Variants in NPHP1 observed in about 807,000 individuals in gnomAD.
The protein encoded by NPHP1 is nephrocystin-1.
A neutral mutation model predicts 90.4 loss-of-function variants in NPHP1; 70 were observed. The ratio of observed to expected loss-of-function variants is 0.77; its 90% confidence interval spans 0.64 to 0.95. NPHP1 has a LOEUF of 0.95. Among genes scored for constraint, NPHP1 ranks in the 40% least tolerant of loss-of-function variants. The pLI is 0.00. For synonymous variants in NPHP1, 256 were observed against 271.7 expected (o/e 0.94, Z 0.57); for missense variants, 764 against 795.9 (o/e 0.96, Z 0.48).
intron 11 of NPHP1, among the ~76,000 whole-genome samples, chr2:110,158,128 C>T (rs947891995): frequency 2.2e-4 from 33 of 152,122 alleles, no homozygotes; most frequent in African/African-American, 7.5e-4. Context: ...CTTCCTGTTA[C>T]TGATTTCAAA....
intron 19 of NPHP1, 57 bp downstream of exon 19, chr2:110,125,580 G>T: frequency 6.9e-7 from 1 of 1,455,900 alleles, no homozygotes; most frequent in Non-Finnish European, 9.7e-7. Context: ...ATTAGAATAG[G>T]CAAGCAAACA....
chr2:110,146,738 A>G lies in NPHP1; in HGVS notation c.1352+15T>C. The G allele has an allele frequency of 6.3e-7, 1 of 1,580,114 alleles. No homozygotes were observed. Among genetic ancestry groups the G allele is most frequent in the Non-Finnish European group, 8.7e-7 (1 of 1,148,928 alleles). ...ACAGAAGTATTCATTCGTTAGGAAT[A>G]TATAGCCAACTTACTTTGCTGGAAT... On this transcript the variant is annotated intron_variant, in intron 14 of 19. Coordinates refer to ENST00000445609, the MANE Select transcript of NPHP1 (RefSeq NM_001128178.3).
chr2:110,192,376 C>A (rs1684819761), intron 2 of NPHP1, among the ~76,000 whole-genome samples: 1 of 152,096 alleles, frequency 6.6e-6, no homozygotes, highest in African/African-American at 2.4e-5. Context: ...GCTTCAGTAG[C>A]TGATTCGATC....
rs2271242 is a variant in NPHP1, at chr2:110,129,561, T to G, written c.1643-302A>C. Among the ~76,000 whole-genome samples, 9,769 of 152,268 alleles carry G rather than the reference T, an allele frequency of 0.064. 410 individuals are homozygous for G. The highest frequency in any genetic ancestry group is 0.12 in the African/African-American group (5,033 of 41,546). The stretch of plus-strand genomic sequence containing the variant: ...TGTGTTTTTCTTCAACTTCTCTTTC[T>G]TCCTTATGGCTGTGGCATGGTAAAA... On this transcript the variant is annotated intron_variant, in intron 17 of 19. Coordinates refer to ENST00000445609, the MANE Select transcript of NPHP1 (RefSeq NM_001128178.3).
At chr2:110,134,125 T>C (rs1679990452) in intron 16 of NPHP1, among the ~76,000 whole-genome samples, 1 of 151,996 alleles carries the variant, frequency 6.6e-6, no homozygotes, top group Non-Finnish European at 1.5e-5. Flanking sequence ...TGAGAATGAC[T>C]AAGGAACACT....
At chr2:110,153,203 CTCTA>C (rs1381873130) in intron 11 of NPHP1, among the ~76,000 whole-genome samples, 1 of 152,038 alleles carries the variant, frequency 6.6e-6, no homozygotes, top group Non-Finnish European at 1.5e-5. Flanking sequence ...ACTCAGAATT[CTCTA>C]TCTAATTAAA....
At chr2:110,178,337 A>C (rs764390829) in intron 4 of NPHP1, 86 bp downstream of exon 4, 1 of 1,262,694 alleles carries the variant, frequency 7.9e-7, no homozygotes, top group Non-Finnish European at 1.2e-6. Context: ...TTATATCTAT[A>C]CTGCTATATG....
chr2:110,130,917 A>G (rs1023763590), intron 17 of NPHP1, among the ~76,000 whole-genome samples: 4 of 152,146 alleles, frequency 2.6e-5, no homozygotes, highest in Non-Finnish European at 5.9e-5. Context: ...AAAAGGGTGG[A>G]GAGGATTATT....
At chr2:110,162,429 T>G (rs1415053531) in intron 9 of NPHP1, among the ~76,000 whole-genome samples, 1 of 152,084 alleles carries the variant, frequency 6.6e-6, no homozygotes, top group Non-Finnish European at 1.5e-5. Flanking sequence ...TAGGGAGTAC[T>G]GGGAAGAACC....
intron 2 of NPHP1, among the ~76,000 whole-genome samples, chr2:110,186,307 C>A (rs1324817124): frequency 1.3e-5 from 2 of 152,288 alleles, no homozygotes; most frequent in East Asian, 3.9e-4. Flanking sequence ...TGTTGGAGAG[C>A]CAGTGTCCTT....
At position 110,168,525 on chromosome 2, in the gene NPHP1, T is replaced by G. The variant is rs1261446783; in HGVS notation, c.551A>C (p.Lys184Thr). 1 of 1,613,076 alleles carries G rather than the reference T, an allele frequency of 6.2e-7. No homozygotes were observed. Among genetic ancestry groups the G allele is most frequent in the Non-Finnish European group, 8.5e-7 (1 of 1,179,142 alleles). The change falls in exon 6 of 20, where the codon AAA becomes ACA. Residue 184 changes from lysine to threonine, a missense_variant. Lys to Thr is a moderately conservative substitution (Grantham distance 78). Transcript: ENST00000445609. ...AGCTATCCACCAACCATCAGGTTTT[T>G]TTTCAATTACAAGGAGAATTTCCCC... ...KKGEILLVIE[K>T]KPDGWWIAKD...
At chr2:110,133,882 C>A in intron 16 of NPHP1, among the ~76,000 whole-genome samples, 1 of 151,560 alleles carries the variant, frequency 6.6e-6, no homozygotes. Context: ...GAAAACAGTC[C>A]TAAGAGGGAA....
intron 3 of NPHP1, chr2:110,179,071 T>C (rs1167091264): frequency 6.5e-6 from 1 of 154,888 alleles, no homozygotes; most frequent in African/African-American, 2.4e-5. Flanking sequence ...GCTGGAGAGC[T>C]GACTTTCAGG....
intron 12 of NPHP1, among the ~76,000 whole-genome samples, chr2:110,148,936 T>C (rs1681265660): frequency 6.6e-6 from 1 of 152,190 alleles, no homozygotes; most frequent in African/African-American, 2.4e-5. Context: ...GTTTCTCTTC[T>C]AGAAAACTTT....
intron 2 of NPHP1, among the ~76,000 whole-genome samples, chr2:110,191,784 A>G (rs1684765622): frequency 6.6e-6 from 1 of 152,106 alleles, no homozygotes; most frequent in Non-Finnish European, 1.5e-5. Flanking sequence ...CACCTCATAC[A>G]GCCGGGTACT....
chr2:110,188,978 A>G (rs549618630), intron 2 of NPHP1, among the ~76,000 whole-genome samples: 1 of 152,274 alleles, frequency 6.6e-6, no homozygotes, highest in Admixed American at 6.5e-5. Context: ...CCTTCCATAC[A>G]CCATATACAA....
Position 110,128,584 on chromosome 2 carries a change from C to T in NPHP1, c.1716+602G>A, listed in dbSNP as rs76740460. On this transcript the variant is annotated intron_variant, in intron 18 of 19. Transcript: ENST00000445609. ...TCTCTAGTGAAACAGAATTTGGATC[C>T]TTCTTTGCTGCCTTCTTTAAATCTT... 1,509 of 153,948 alleles carry T rather than the reference C, an allele frequency of 9.8e-3. 19 individuals are homozygous for T. The highest frequency in any genetic ancestry group is 0.012 in the Non-Finnish European group (855 of 69,214). The allele number at this position is 153,948 out of a possible 1,614,324, so 9.5% of individuals were successfully genotyped here.
intron 2 of NPHP1, among the ~76,000 whole-genome samples, chr2:110,181,913 T>C (rs997004579): frequency 2.6e-5 from 4 of 152,168 alleles, no homozygotes; most frequent in African/African-American, 7.2e-5. Flanking sequence ...CAGGAGCTGA[T>C]AGCCAGAACA....
At chr2:110,162,995 T>G in intron 9 of NPHP1, 53 bp downstream of exon 9, 1 of 1,233,336 alleles carries the variant, frequency 8.1e-7, no homozygotes, top group Non-Finnish European at 1.2e-6. Flanking sequence ...AAATTAGACG[T>G]GGATCTTGAC....
Sources: allele counts gnomAD v4.1 joint callset (sites outside exome capture counted in the v4.1 genomes callset), GRCh38; gene constraint gnomAD v4.1.1; transcripts MANE v1.5; gene names NCBI Gene and HGNC (gene_info 2026-07-23, HGNC 2026-07-21).